ETS1: variants seen among roughly 807,000 people sequenced by gnomAD.
The protein encoded by ETS1 is ETS proto-oncogene 1, transcription factor, also known as protein C-ets-1.
In ETS1, 15 loss-of-function variants were observed where a neutral mutation model predicts 58.6. The observed-to-expected ratio is 0.26, with a 90% CI of 0.17 to 0.39. The LOEUF is 0.39. Among genes scored for constraint, ETS1 ranks in the 10% least tolerant of loss-of-function variants. The pLI is 1.00. For synonymous variants in ETS1, 214 were observed against 218.2 expected, an observed-to-expected ratio of 0.98 and a Z score of 0.17; for missense variants, 417 against 610.5, an observed-to-expected ratio of 0.68 and a Z score of 3.34.
chr11:128,528,436 A>T (rs12290478), intron 3 of ETS1, among the ~76,000 whole-genome samples: 2,972 of 152,212 alleles, frequency 0.02, 73 homozygotes, highest in African/African-American at 0.064. Context: ...GTACACAAAG[A>T]ATTTCCCTCA....
chr11:128,560,402 C>T (rs1044488479), intron 2 of ETS1, among the ~76,000 whole-genome samples: 1 of 152,174 alleles, frequency 6.6e-6, no homozygotes, highest in Non-Finnish European at 1.5e-5. Flanking sequence ...CGTGAGCCAC[C>T]GCGCCCGGCC....
At chr11:128,519,602 C>A (rs1402104040) in intron 3 of ETS1, among the ~76,000 whole-genome samples, 2 of 152,140 alleles carry the variant, frequency 1.3e-5, no homozygotes, top group African/African-American at 4.8e-5. Context: ...AGCAGACAGC[C>A]CTGGCCAGAA....
intron 2 of ETS1, among the ~76,000 whole-genome samples, chr11:128,566,634 T>C (rs1020757640): frequency 2.0e-5 from 3 of 151,924 alleles, no homozygotes; most frequent in African/African-American, 7.3e-5. Context: ...ATACAAAAAA[T>C]TAGCTGGGCA....
intron 3 of ETS1, among the ~76,000 whole-genome samples, chr11:128,512,572 T>C (rs1863419990): frequency 6.6e-6 from 1 of 152,166 alleles, no homozygotes; most frequent in South Asian, 2.1e-4. Context: ...GCTTCCGGGG[T>C]GGCTGGGGAA....
At chr11:128,503,860 C>A (rs1863155469) in intron 3 of ETS1, among the ~76,000 whole-genome samples, 1 of 152,164 alleles carries the variant, frequency 6.6e-6, no homozygotes, top group Non-Finnish European at 1.5e-5. Context: ...CCACCCTGAG[C>A]ATGTTGGTAA....
At chr11:128,467,622 G>C (rs1190297621) in intron 8 of ETS1, among the ~76,000 whole-genome samples, 2 of 152,030 alleles carry the variant, frequency 1.3e-5, no homozygotes, top group African/African-American at 4.8e-5. Context: ...TTGTCCCCTA[G>C]AGCAGAAAAC....
chr11:128,511,749 C>T (rs1863398392), intron 3 of ETS1, among the ~76,000 whole-genome samples: 2 of 152,196 alleles, frequency 1.3e-5, no homozygotes, highest in African/African-American at 4.8e-5. Flanking sequence ...ACTAGATACT[C>T]ATCGAATCAA....
chr11:128,542,052 A>T (rs1459818424), intron 3 of ETS1, among the ~76,000 whole-genome samples: 1 of 151,960 alleles, frequency 6.6e-6, no homozygotes, highest in Non-Finnish European at 1.5e-5. Flanking sequence ...AGGACCCCCC[A>T]TTTTCCTTTA....
chr11:128,501,422 T>G (rs887006974), intron 3 of ETS1, among the ~76,000 whole-genome samples: 5 of 152,242 alleles, frequency 3.3e-5, no homozygotes, highest in African/African-American at 1.2e-4. Flanking sequence ...GTTCTGTACC[T>G]ATTGACTGAA....
intron 9 of ETS1, 80 bp from the exon 10 acceptor site, chr11:128,462,656 T>C (rs1011979025): frequency 1.9e-5 from 19 of 1,003,270 alleles, no homozygotes; most frequent in Admixed American, 3.9e-5. Flanking sequence ...TCTATGCCTA[T>C]GCTATACCCA....
intron 3 of ETS1, among the ~76,000 whole-genome samples, chr11:128,519,263 T>C (rs1055574529): frequency 2.0e-5 from 3 of 152,088 alleles, no homozygotes; most frequent in Non-Finnish European, 4.4e-5. Flanking sequence ...CTTGGTCAGG[T>C]CCTAGCCAGG....
At chr11:128,568,170 C>T (rs527459241) in intron 2 of ETS1, among the ~76,000 whole-genome samples, 1 of 152,252 alleles carries the variant, frequency 6.6e-6, no homozygotes, top group East Asian at 1.9e-4. Context: ...TTCCTCTGTA[C>T]AGCCCAAGGT....
intron 3 of ETS1, among the ~76,000 whole-genome samples, chr11:128,495,027 T>C (rs1259612740): frequency 3.3e-5 from 5 of 152,130 alleles, no homozygotes; most frequent in African/African-American, 9.7e-5. Flanking sequence ...ACCTGAGAAA[T>C]GCTTTACAGT....
At position 128,556,394 on chromosome 11, in the gene ETS1, G is replaced by A. The variant is rs761017534; in HGVS notation, c.111C>T (p.Asn37=). ...GGTGATAATTGGACTGGAAACCACA[G>A]TTCATTCGAGGATCTTCATAAGTGT... The part of the protein sequence containing the change: ...PSNTYEDPRM[N]CGFQSNYHQQ... The change falls in exon 3 of 10, where the codon AAC becomes AAT. Residue 37 remains asparagine (N), a synonymous_variant. Coordinates refer to ENST00000392668, the MANE Select transcript of ETS1 (RefSeq NM_001143820.2). The A allele has an allele frequency of 5.5e-5, 89 of 1,612,828 alleles. No homozygotes were observed. The highest frequency in any genetic ancestry group is 7.5e-5 in the Non-Finnish European group (88 of 1,179,288).
At chr11:128,515,677 C>T (rs762762146) in intron 3 of ETS1, among the ~76,000 whole-genome samples, 5 of 152,184 alleles carry the variant, frequency 3.3e-5, no homozygotes, top group South Asian at 2.1e-4. Context: ...CCCCTTTACA[C>T]TCTCAAAGGT....
At chr11:128,554,108 G>T (rs1864277683) in intron 3 of ETS1, among the ~76,000 whole-genome samples, 1 of 152,128 alleles carries the variant, frequency 6.6e-6, no homozygotes, top group African/African-American at 2.4e-5. Context: ...CTGGACCACA[G>T]CCCAGAAATA....
intron 2 of ETS1, among the ~76,000 whole-genome samples, chr11:128,570,709 G>A (rs753720166): frequency 5.9e-5 from 9 of 151,934 alleles, no homozygotes; most frequent in African/African-American, 1.7e-4. Context: ...CTACAATATC[G>A]TCTTTAAGGA....
At chr11:128,582,629 G>C (rs1864897196) in intron 1 of ETS1, among the ~76,000 whole-genome samples, 1 of 152,090 alleles carries the variant, frequency 6.6e-6, no homozygotes, top group Non-Finnish European at 1.5e-5. Flanking sequence ...ATGAAAACAG[G>C]ATTCCCTTTC....
chr11:128,490,553 G>A lies in ETS1; in HGVS notation c.238C>T (p.Leu80=). 6.2e-7 allele frequency: 1 copy of A among 1,607,738 alleles called. No individual in the cohort carries two copies. The highest frequency in any genetic ancestry group is 8.5e-7 in the Non-Finnish European group (1 of 1,175,670). ...ATTTCTTTGCTGCTTGGAGTTAATA[G>A]TGGGACATCTGCACATTCCATATCT... ...VSDMECADVP[L]LTPSSKEMMS... The change falls in exon 4 of 10, where the codon CTA becomes TTA. Residue 80 remains leucine, a synonymous_variant. Transcript: ENST00000392668.
Sources: allele counts gnomAD v4.1 joint callset (sites outside exome capture counted in the v4.1 genomes callset), GRCh38; gene constraint gnomAD v4.1.1; transcripts MANE v1.5; gene names NCBI Gene and HGNC (gene_info 2026-07-23, HGNC 2026-07-21).